The following PGGT1B variants were observed in gnomAD, a reference collection of about 807,000 sequenced individuals.
The protein encoded by PGGT1B is protein geranylgeranyltransferase type I subunit beta.
Under a neutral mutation model 46.1 loss-of-function variants are expected in PGGT1B, and 30 were observed. That is an observed-to-expected ratio of 0.65 (90% CI 0.49 to 0.88). The LOEUF is 0.88. Among genes scored for constraint, PGGT1B ranks in the 40% least tolerant of loss-of-function variants. The pLI is 0.00. For synonymous variants in PGGT1B, 170 were observed against 160.0 expected (o/e 1.06, Z -0.47); for missense variants, 376 against 455.9 (o/e 0.82, Z 1.60).
chr5:115,222,272 C>T (rs1756611552), intron 6 of PGGT1B, among the ~76,000 whole-genome samples: 1 of 152,102 alleles, frequency 6.6e-6, no homozygotes, highest in Non-Finnish European at 1.5e-5. Flanking sequence ...TTTAAAATTA[C>T]ATGGTTAACA....
intron 6 of PGGT1B, among the ~76,000 whole-genome samples, chr5:115,222,768 C>T (rs1317761250): frequency 1.3e-5 from 2 of 152,142 alleles, no homozygotes; most frequent in Non-Finnish European, 2.9e-5. Context: ...AATGCACACA[C>T]CATGGAATAC....
intron 7 of PGGT1B, among the ~76,000 whole-genome samples, chr5:115,218,174 T>C (rs564728589): frequency 1.3e-5 from 2 of 151,868 alleles, no homozygotes; most frequent in East Asian, 3.9e-4. Flanking sequence ...TAATTTCTCA[T>C]AGTTGGGAAT....
chr5:115,262,628 GC>G (rs1198048585), intron 1 of PGGT1B, 83 bp downstream of exon 1: 1 of 1,466,330 alleles, frequency 6.8e-7, no homozygotes, highest in African/African-American at 1.4e-5. Context: ...CCCTTCCGGC[GC>G]CCAGTTTGCG....
At chr5:115,233,133 C>T (rs1269452960) in intron 5 of PGGT1B, among the ~76,000 whole-genome samples, 1 of 151,842 alleles carries the variant, frequency 6.6e-6, no homozygotes, top group Non-Finnish European at 1.5e-5. Flanking sequence ...AACGCTAACA[C>T]CTAAGTATAT....
chr5:115,218,301 C>T (rs72813822), intron 7 of PGGT1B, among the ~76,000 whole-genome samples: 6,143 of 150,808 alleles, frequency 0.041, 131 homozygotes, highest in South Asian at 0.057. Context: ...AGAAAGCTGT[C>T]AAAGACTACT....
chr5:115,243,994 T>C (rs902232405), intron 2 of PGGT1B, among the ~76,000 whole-genome samples: 4 of 152,206 alleles, frequency 2.6e-5, no homozygotes, highest in Non-Finnish European at 4.4e-5. Flanking sequence ...CTGCTGTTCA[T>C]GTGATTATAC....
intron 2 of PGGT1B, among the ~76,000 whole-genome samples, chr5:115,242,855 T>C (rs1429981248): frequency 6.6e-6 from 1 of 152,076 alleles, no homozygotes; most frequent in African/African-American, 2.4e-5. Flanking sequence ...TAATCCCAGC[T>C]ACTGGGGAAG....
chr5:115,254,780 T>G (rs565074807), intron 1 of PGGT1B, among the ~76,000 whole-genome samples: 3 of 152,080 alleles, frequency 2.0e-5, no homozygotes, highest in Non-Finnish European at 4.4e-5. Flanking sequence ...TTGGGAAACA[T>G]CCTATTGAGA....
chr5:115,262,521 T>C (rs1161982216), intron 1 of PGGT1B, 191 bp downstream of exon 1: 4 of 633,670 alleles, frequency 6.3e-6, no homozygotes, highest in South Asian at 4.0e-5. Context: ...GCCCTCGACC[T>C]ACAGCCTTCC....
rs188314913 is a variant in PGGT1B at position 115,220,574 on chromosome 5, T to C, written c.843+1250A>G. On this transcript the variant is annotated intron_variant, in intron 7 of 8. Transcript: ENST00000419445. ...AATTAATGCTAGTGAACTGTATACT[T>C]ACAAATGTTTAAACTGTTAGTATAA... 3.6e-4 allele frequency among the ~76,000 whole-genome samples: 55 copies of C among 152,066 alleles called. No individual in the cohort carries two copies. The East Asian group carries it at 8.3e-3, about 23-fold the overall frequency.
chr5:115,225,823 A>T lies in PGGT1B; in HGVS notation c.659-3815T>A, dbSNP rs571753714. 2.0e-5 allele frequency among the ~76,000 whole-genome samples: 3 copies of T among 151,488 alleles called. No homozygotes were observed. In the East Asian group the frequency reaches 5.8e-4, roughly 29 times the overall value. ...ACCACATTTGGCTAATTTTTTTTGT[A>T]TTTTTAGCAGAGATGGGGTTTCATC... On this transcript the variant is annotated intron_variant, in intron 6 of 8. Coordinates refer to ENST00000419445, the MANE Select transcript of PGGT1B (RefSeq NM_005023.4).
Position 115,212,147 on chromosome 5 carries a change from T to G in PGGT1B, c.*255A>C, listed in dbSNP as rs1465519888. On this transcript the variant is annotated 3_prime_UTR_variant, in exon 9 of 9. Transcript: ENST00000419445. ...CCTACACACATACAGTTAATTTGCCTCAAACAACTTCTTAGAAATACAGTA... is the reference window on the plus strand; with the variant it reads ...CCTACACACATACAGTTAATTTGCCGCAAACAACTTCTTAGAAATACAGTA... 1.8e-5 allele frequency: 8 copies of G among 448,096 alleles called. No homozygotes were observed. The highest frequency in any genetic ancestry group is 3.1e-5 in the Non-Finnish European group (8 of 259,898). 27.8% of individuals were successfully genotyped at this position (448,096 alleles called of 1,614,324 possible). A position where few individuals can be genotyped will look rare whatever the true frequency, so the allele number is the denominator to read the frequency against.
chr5:115,232,122 GAAAT>G (rs1757007317), intron 5 of PGGT1B, among the ~76,000 whole-genome samples: 1 of 152,014 alleles, frequency 6.6e-6, no homozygotes. Context: ...GTGCAGTAAA[GAAAT>G]AAAAAGCATT....
intron 6 of PGGT1B, among the ~76,000 whole-genome samples, chr5:115,223,109 A>G (rs1298357833): frequency 1.3e-5 from 2 of 151,938 alleles, no homozygotes; most frequent in Non-Finnish European, 2.9e-5. Flanking sequence ...CTAGAACTTA[A>G]AGTATAAAAA....
intron 7 of PGGT1B, among the ~76,000 whole-genome samples, chr5:115,220,669 C>G (rs2126993836): frequency 6.6e-6 from 1 of 151,840 alleles, no homozygotes; most frequent in Admixed American, 6.6e-5. Flanking sequence ...TTACATGCCT[C>G]TTGATGTGAT....
intron 6 of PGGT1B, among the ~76,000 whole-genome samples, chr5:115,228,043 A>T (rs916042438): frequency 1.3e-4 from 20 of 152,224 alleles, no homozygotes; most frequent in African/African-American, 3.6e-4. Flanking sequence ...GGCCAAAAAA[A>T]TTTTTTTAAA....
chr5:115,230,558 CTAA>C (rs1174658384), intron 6 of PGGT1B, among the ~76,000 whole-genome samples: 1 of 152,088 alleles, frequency 6.6e-6, no homozygotes, highest in Non-Finnish European at 1.5e-5. Flanking sequence ...ACAACTATGA[CTAA>C]TAATAATTTT....
Position 115,205,730 on chromosome 5 carries a change from T to C in PGGT1B, c.*6672A>G, listed in dbSNP as rs779928439. On this transcript the variant is annotated 3_prime_UTR_variant, in exon 9 of 9. Coordinates refer to ENST00000419445, the MANE Select transcript of PGGT1B (RefSeq NM_005023.4). ...ACCCATTTTCTGATCATATTTAAAA[T>C]CTTAGTGTCAAGATAAAAGTGTGCA... The C allele has an allele frequency of 5.3e-5, 8 of 152,054 alleles. No individual in the cohort carries two copies. Among genetic ancestry groups the C allele is most frequent in the Non-Finnish European group, 1.2e-4 (8 of 67,932 alleles). The allele number at this position is 152,054 out of a possible 1,614,324, so 9.4% of individuals were successfully genotyped here. A position where few individuals can be genotyped will look rare whatever the true frequency, so the allele number is the denominator to read the frequency against.
In PGGT1B at chr5:115,204,064, C is replaced by T. The variant is rs1755987322; in HGVS notation, c.*8338G>A. ...ATGTTTTCGATCCAGCTACCACACA[C>T]TAAAATCATATTAGTTTTTCGGGGG... On this transcript the variant is annotated 3_prime_UTR_variant, in exon 9 of 9. Transcript: ENST00000419445. 1 of 152,134 alleles carries T rather than the reference C, an allele frequency of 6.6e-6. No individual in the cohort carries two copies. Among genetic ancestry groups the T allele is most frequent in the Non-Finnish European group, 1.5e-5 (1 of 68,028 alleles). 9.4% of individuals were successfully genotyped at this position (152,134 alleles called of 1,614,324 possible).
Sources: gnomAD v4.1 joint callset for allele counts (sites outside exome capture counted in the v4.1 genomes callset) on GRCh38, gnomAD v4.1.1 for gene constraint, MANE v1.5 for transcripts, NCBI Gene and HGNC (gene_info 2026-07-23, HGNC 2026-07-21) for gene names.